TRIO: variants seen among roughly 807,000 people sequenced by gnomAD.
TRIO encodes the protein trio Rho guanine nucleotide exchange factor.
A neutral mutation model predicts 351.9 loss-of-function variants in TRIO; 58 were observed. The observed-to-expected ratio is 0.16, with a 90% CI of 0.13 to 0.21. The LOEUF is 0.21. Ranked by LOEUF, TRIO falls within the 10% of genes least tolerant of loss-of-function variation. The pLI is 1.00. For missense variants in TRIO, 3,201 were observed against 4,027.8 expected, an observed-to-expected ratio of 0.79 and a Z score of 5.56; for synonymous variants, 1,758 against 1,595.7, an observed-to-expected ratio of 1.10 and a Z score of -2.42.
intron 22 of TRIO, 47 bp downstream of exon 22, chr5:14,387,679 C>CTTTA: frequency 6.2e-7 from 1 of 1,609,326 alleles, no homozygotes; most frequent in South Asian, 1.1e-5. Context: ...TTCTTCCTAA[C>CTTTA]GCCCTCTCTG....
chr5:14,314,221 C>T (rs1317887443), intron 8 of TRIO, among the ~76,000 whole-genome samples: 3 of 152,110 alleles, frequency 2.0e-5, no homozygotes, highest in Admixed American at 6.5e-5. Context: ...AAAATGCATA[C>T]GTAGTTTAAT....
At chr5:14,222,100 C>T (rs1412910597) in intron 1 of TRIO, among the ~76,000 whole-genome samples, 1 of 151,804 alleles carries the variant, frequency 6.6e-6, no homozygotes, top group Non-Finnish European at 1.5e-5. Context: ...AAAAAGATTA[C>T]GACTCTCTGA....
chr5:14,211,724 G>T (rs1477231140), intron 1 of TRIO, among the ~76,000 whole-genome samples: 1 of 151,160 alleles, frequency 6.6e-6, no homozygotes, highest in Non-Finnish European at 1.5e-5. Flanking sequence ...GAAACAGAAT[G>T]TGGCAATCTT....
intron 47 of TRIO, among the ~76,000 whole-genome samples, chr5:14,485,880 C>G (rs1173647713): frequency 6.6e-6 from 1 of 152,038 alleles, no homozygotes; most frequent in African/African-American, 2.4e-5. Flanking sequence ...CCCAGCTACT[C>G]AGGAGGCTGA....
chr5:14,500,145 G>A (rs1757177105), intron 53 of TRIO, among the ~76,000 whole-genome samples: 2 of 151,844 alleles, frequency 1.3e-5, no homozygotes, highest in South Asian at 4.1e-4. Context: ...AAATTCAGCT[G>A]CACCCCTAAA....
chr5:14,471,175 T>C, intron 37 of TRIO, 143 bp from the exon 38 acceptor site: 1 of 1,148,522 alleles, frequency 8.7e-7, no homozygotes, highest in Non-Finnish European at 1.2e-6. Flanking sequence ...TGTTATTAAA[T>C]GCTATAATTT....
chr5:14,424,132 G>A (rs1415446038), intron 34 of TRIO, among the ~76,000 whole-genome samples: 1 of 152,042 alleles, frequency 6.6e-6, no homozygotes, highest in African/African-American at 2.4e-5. Flanking sequence ...CTTGGAGGAT[G>A]CGTTCTTCCT....
rs1333139819 is a variant in TRIO, at chr5:14,492,710, C to G, written c.7776C>G (p.Phe2592Leu). 4 of 1,614,006 alleles carry G rather than the reference C, an allele frequency of 2.5e-6. No individual in the cohort carries two copies. Among genetic ancestry groups the G allele is most frequent in the South Asian group, 1.1e-5 (1 of 91,080 alleles). ...ACCAGCAGAACATGTTTCTGGTGTT[C>G]CGAGCCGCCACTGACCAGTGCCCCG... The part of the protein sequence containing the change: ...ASNQQNMFLV[F>L]RAATDQCPAA... The change falls in exon 49 of 57, where the codon TTC becomes TTG. Residue 2592 changes from phenylalanine (F) to leucine (L), a missense_variant. By Grantham distance (22) the Phe-to-Leu change is conservative. Transcript: ENST00000344204.
chr5:14,177,899 C>A (rs949449722), intron 1 of TRIO, among the ~76,000 whole-genome samples: 2 of 152,194 alleles, frequency 1.3e-5, no homozygotes, highest in Admixed American at 6.5e-5. Flanking sequence ...CTCACCATAC[C>A]GTGGCTTGGC....
Position 14,498,601 on chromosome 5 carries a change from A to T in TRIO, c.8293A>T (p.Met2765Leu). Residue 2765 changes from methionine to leucine, a missense_variant, in exon 53 of 57, where the codon ATG (methionine) becomes TTG (leucine). Met to Leu is a conservative substitution (Grantham distance 15). Coordinates refer to ENST00000344204, the MANE Select transcript of TRIO (RefSeq NM_007118.4). ...GIYTCIAVND[M>L]GSASSSASLR... ...CTACACGTGCATCGCTGTCAATGAC[A>T]TGGGTTCAGCCTCATCGTCGGCCAG... 1 of 1,614,216 alleles carries T rather than the reference A, an allele frequency of 6.2e-7. No homozygotes were observed. The highest frequency in any genetic ancestry group is 2.2e-5 in the East Asian group (1 of 44,884).
At chr5:14,151,381 TG>T (rs1352760803) in intron 1 of TRIO, among the ~76,000 whole-genome samples, 20 of 84,322 alleles carry the variant, frequency 2.4e-4, no homozygotes, top group African/African-American at 1.1e-3. Flanking sequence ...TGTGTGTGTG[TG>T]TGTTTGTGTG....
rs552742690 is a variant in TRIO at position 14,437,690 on chromosome 5, C to G, written c.5203+17669C>G. Reference sequence around the variant, plus strand: ...CAGGCATATTGGATGAGGACCACCCCCCCCGCCCCAAGGACCTCATTTTAA... The same window carrying G: ...CAGGCATATTGGATGAGGACCACCCGCCCCGCCCCAAGGACCTCATTTTAA... On this transcript the variant is annotated intron_variant, in intron 34 of 56. Coordinates refer to ENST00000344204, the MANE Select transcript of TRIO (RefSeq NM_007118.4). Among the ~76,000 whole-genome samples, 38 of 136,682 alleles carry G rather than the reference C, an allele frequency of 2.8e-4. No individual in the cohort carries two copies. The East Asian group carries it at 6.5e-3, about 24-fold the overall frequency. 89.7% of individuals were successfully genotyped at this position (136,682 alleles called of 152,430 possible). A position where few individuals can be genotyped will look rare whatever the true frequency, so the allele number is the denominator to read the frequency against.
intron 7 of TRIO, among the ~76,000 whole-genome samples, chr5:14,298,834 C>A (rs555653242): frequency 4.6e-5 from 7 of 152,166 alleles, no homozygotes; most frequent in African/African-American, 1.7e-4. Flanking sequence ...AGACAAAAGC[C>A]CACACACAAA....
chr5:14,428,001 C>T (rs1462744895), intron 34 of TRIO, among the ~76,000 whole-genome samples: 5 of 152,174 alleles, frequency 3.3e-5, no homozygotes, highest in Non-Finnish European at 7.3e-5. Flanking sequence ...GGAGCTTGCC[C>T]TTCTGAGGCC....
At chr5:14,206,777 A>T (rs1380772820) in intron 1 of TRIO, among the ~76,000 whole-genome samples, 1 of 152,220 alleles carries the variant, frequency 6.6e-6, no homozygotes, top group East Asian at 1.9e-4. Context: ...GGCAAAAAAG[A>T]GAATAAAACT....
At chr5:14,212,392 C>T (rs186991460) in intron 1 of TRIO, among the ~76,000 whole-genome samples, 14 of 152,228 alleles carry the variant, frequency 9.2e-5, no homozygotes, top group East Asian at 1.9e-4. Context: ...CTGGAACCTT[C>T]GGGGAACTCC....
intron 47 of TRIO, among the ~76,000 whole-genome samples, chr5:14,486,272 A>G (rs903184252): frequency 2.6e-5 from 4 of 152,178 alleles, no homozygotes; most frequent in Non-Finnish European, 4.4e-5. Context: ...CTCAAGCTCA[A>G]TAGGATGTTG....
intron 48 of TRIO, among the ~76,000 whole-genome samples, chr5:14,490,571 T>G (rs1478994202): frequency 6.6e-6 from 1 of 152,248 alleles, no homozygotes; most frequent in Non-Finnish European, 1.5e-5. Context: ...GCATGCACAC[T>G]GGAGTCACTC....
intron 40 of TRIO, among the ~76,000 whole-genome samples, chr5:14,475,139 G>T (rs1754965715): frequency 6.6e-6 from 1 of 152,162 alleles, no homozygotes; most frequent in Non-Finnish European, 1.5e-5. Flanking sequence ...TGTCCCTTTA[G>T]ATCACTTTGC....
Sources: gnomAD v4.1 joint callset for allele counts (sites outside exome capture counted in the v4.1 genomes callset) on GRCh38, gnomAD v4.1.1 for gene constraint, MANE v1.5 for transcripts, NCBI Gene and HGNC (gene_info 2026-07-23, HGNC 2026-07-21) for gene names.